PKHD1L1: variants seen among roughly 807,000 people sequenced by gnomAD.
PKHD1L1 encodes fibrocystin-L.
PKHD1L1 carries 434 observed loss-of-function variants against 462.9 expected under a neutral mutation model. The ratio of observed to expected loss-of-function variants is 0.94; its 90% CI spans 0.87 to 1.02. The LOEUF is 1.02. PKHD1L1 is among the 50% of genes least tolerant of loss of function. The pLI is 0.00. For missense variants in PKHD1L1, 5,202 were observed against 5,096.1 expected, an observed-to-expected ratio of 1.02 and a Z score of -0.63; for synonymous variants, 1,781 against 1,750.0, an observed-to-expected ratio of 1.02 and a Z score of -0.44.
Position 109,452,773 on chromosome 8 carries a change from G to GA in PKHD1L1, c.6567dup (p.Ser2190IlefsTer39), listed in dbSNP as rs769716668. On this transcript the variant is annotated frameshift_variant, in exon 43 of 78. Coordinates refer to ENST00000378402, the MANE Select transcript of PKHD1L1 (RefSeq NM_177531.6). LOFTEE classifies it high-confidence loss of function. The stretch of plus-strand genomic sequence containing the variant: ...TGGTCCTCCAATTTCTCATGGGGGG[G>GA]AAAATCTCCCCCAGAAGAAGGATCT... 4.6e-6 allele frequency: 7 copies of GA among 1,535,932 alleles called. No homozygotes were observed. Among genetic ancestry groups the GA allele is most frequent in the Non-Finnish European group, 4.4e-6 (5 of 1,142,314 alleles).
chr8:109,442,320 GGCAT>G, intron 35 of PKHD1L1, 125 bp downstream of exon 35: 2 of 940,954 alleles, frequency 2.1e-6, no homozygotes, highest in Non-Finnish European at 3.0e-6. Context: ...TAAGGTATTT[GGCAT>G]TTTATTGCTG....
At chr8:109,422,674 G>A in intron 23 of PKHD1L1, among the ~76,000 whole-genome samples, 1 of 152,058 alleles carries the variant, frequency 6.6e-6, no homozygotes, top group Admixed American at 6.5e-5. Context: ...AAACCGCTAT[G>A]AACATTCATC....
chr8:109,456,355 C>T lies in PKHD1L1; in HGVS notation c.6968C>T (p.Pro2323Leu), dbSNP rs1312555942. Residue 2323 changes from proline to leucine, a missense_variant, in exon 46 of 78, where the codon CCA becomes CTA. Coordinates refer to ENST00000378402, the MANE Select transcript of PKHD1L1 (RefSeq NM_177531.6). ...TTACAAGAAGCAGTAACATGGAAAC[C>T]AGGAGATAACATTGTAATTGCAAGC... is the stretch of plus-strand genomic sequence containing the variant. The part of the protein sequence containing the change: ...LILQEAVTWK[P>L]GDNIVIASTG... 6.2e-7 allele frequency: 1 copy of T among 1,609,890 alleles called. No individual in the cohort carries two copies.
At chr8:109,454,648 A>G in intron 44 of PKHD1L1, 75 bp from the exon 45 acceptor site, 3 of 1,551,998 alleles carry the variant, frequency 1.9e-6, no homozygotes, top group Non-Finnish European at 2.6e-6. Context: ...GATAGAAAAG[A>G]ACTACTTTTG....
intron 73 of PKHD1L1, 95 bp from the exon 74 acceptor site, chr8:109,522,091 G>A (rs926562605): frequency 1.1e-5 from 14 of 1,217,710 alleles, no homozygotes; most frequent in East Asian, 5.5e-5. Context: ...ATAATGTGAT[G>A]GAGCAATGCA....
In PKHD1L1 at chr8:109,430,043, T is replaced by A. The variant is rs1449622003; in HGVS notation, c.3229+6T>A. ...GGCGATAAGCCCTTCTCAAGGTAAC[T>A]TCCTGATTTTTAACCTATACTGGGT... On this transcript the variant is annotated splice_donor_region_variant and intron_variant, in intron 27 of 77. Transcript: ENST00000378402. 6.3e-7 allele frequency: 1 copy of A among 1,584,110 alleles called. No homozygotes were observed. Among genetic ancestry groups the A allele is most frequent in the African/African-American group, 1.4e-5 (1 of 73,534 alleles).
intron 22 of PKHD1L1, 54 bp from the exon 23 acceptor site, chr8:109,420,464 C>T (rs1814402421): frequency 8.1e-7 from 1 of 1,236,896 alleles, no homozygotes; most frequent in African/African-American, 1.6e-5. Flanking sequence ...TTTTACATGG[C>T]AAAAACCACA....
chr8:109,371,019 T>C (rs138075752), intron 2 of PKHD1L1, among the ~76,000 whole-genome samples: 4,698 of 152,314 alleles, frequency 0.031, 265 homozygotes, highest in African/African-American at 0.11. Context: ...TTTGGGTATA[T>C]ACCCAGTAAT....
chr8:109,383,956 T>G, intron 4 of PKHD1L1, 114 bp from the exon 5 acceptor site: 1 of 761,936 alleles, frequency 1.3e-6, no homozygotes, highest in Non-Finnish European at 2.3e-6. Flanking sequence ...CTTTCCTACA[T>G]GACAGTTACA....
intron 49 of PKHD1L1, 111 bp downstream of exon 49, chr8:109,465,356 C>A: frequency 8.9e-7 from 1 of 1,128,250 alleles, no homozygotes; most frequent in Non-Finnish European, 1.2e-6. Context: ...TACCCAATAG[C>A]AAACTTTACT....
rs1376062837 is a variant in PKHD1L1 at position 109,518,216 on chromosome 8, T to C, written c.11739T>C (p.Phe3913=). The change falls in exon 73 of 78, where the codon TTT becomes TTC. Residue 3913 remains phenylalanine (F), a synonymous_variant. Coordinates refer to ENST00000378402, the MANE Select transcript of PKHD1L1 (RefSeq NM_177531.6). ...CCACTGTCCTTGGTGAAAACTACTT[T>C]GATGGAACCTACCAGATGCTTTATC... ...LDSTVLGENY[F]DGTYQMLYLL... 2 of 1,610,268 alleles carry C rather than the reference T, an allele frequency of 1.2e-6. No homozygotes were observed. Among genetic ancestry groups the C allele is most frequent in the Non-Finnish European group, 8.5e-7 (1 of 1,177,034 alleles).
chr8:109,447,902 G>A (rs983342598), intron 38 of PKHD1L1, among the ~76,000 whole-genome samples: 1 of 151,972 alleles, frequency 6.6e-6, no homozygotes, highest in African/African-American at 2.4e-5. Flanking sequence ...TCAGTAGAAC[G>A]GACAGAAGGG....
In PKHD1L1 at chr8:109,537,207, A is replaced by C. The variant is rs1250165051; in HGVS notation, c.*7117A>C. ...ATTAATAAAAAGCCATTAAAGTCCA[A>C]GTCAGAACAGCAGGTCTAAAATTGT... On this transcript the variant is annotated 3_prime_UTR_variant, in exon 78 of 78. Coordinates refer to ENST00000378402, the MANE Select transcript of PKHD1L1 (RefSeq NM_177531.6). Among the ~76,000 whole-genome samples the C allele has an allele frequency of 1.3e-5, 2 of 152,222 alleles. No individual in the cohort carries two copies. Among genetic ancestry groups the C allele is most frequent in the Non-Finnish European group, 2.9e-5 (2 of 68,044 alleles).
rs202093473 is a variant in PKHD1L1 at position 109,454,727 on chromosome 8, G to A, written c.6749G>A (p.Gly2250Glu). The change falls in exon 45 of 78, where the codon GGA (glycine) becomes GAA (glutamate). Residue 2250 changes from glycine (G) to glutamate (E), a missense_variant. Transcript: ENST00000378402. ...CATTTGTGACATCTTTTGCAGATTG[G>A]AACAGAGACATCCCCATTCCAACAC... ...LITDGGVLQI[G>E]TETSPFQHKA... is the part of the protein sequence containing the mutation. 6.2e-7 allele frequency: 1 copy of A among 1,613,552 alleles called. No individual in the cohort carries two copies. The highest frequency in any genetic ancestry group is 1.3e-5 in the African/African-American group (1 of 74,970).
intron 60 of PKHD1L1, among the ~76,000 whole-genome samples, chr8:109,490,660 T>G (rs1321454164): frequency 6.6e-6 from 1 of 151,616 alleles, no homozygotes; most frequent in African/African-American, 2.4e-5. Flanking sequence ...AAAAATAAAT[T>G]TTAGCACCTT....
rs917431761 is a variant in PKHD1L1 at position 109,483,986 on chromosome 8, A to T, written c.9576+881A>T. Among the ~76,000 whole-genome samples the T allele has an allele frequency of 2.6e-5, 4 of 151,814 alleles. No individual in the cohort carries two copies. In the East Asian group the frequency reaches 7.7e-4, roughly 29 times the overall value. ...ATGCCAAGAAAAATTAGAGAAATGG[A>T]TGGATTTCATCTCCAAGCTCTCAGA... is the stretch of plus-strand genomic sequence containing the variant. On this transcript the variant is annotated intron_variant, in intron 57 of 77. Transcript: ENST00000378402.
chr8:109,440,360 TTTTG>T (rs1428833271), intron 32 of PKHD1L1, among the ~76,000 whole-genome samples: 1 of 152,066 alleles, frequency 6.6e-6, no homozygotes, highest in Non-Finnish European at 1.5e-5. Context: ...AGAGCTGCCT[TTTTG>T]TTTTAGTTTA....
chr8:109,505,599 T>C (rs1279137480), intron 68 of PKHD1L1, among the ~76,000 whole-genome samples: 1 of 152,186 alleles, frequency 6.6e-6, no homozygotes, highest in Non-Finnish European at 1.5e-5. Flanking sequence ...TTATGTTCTG[T>C]ATTTAAATAG....
At chr8:109,429,847 T>G (rs1288489157) in intron 26 of PKHD1L1, 85 bp from the exon 27 acceptor site, 76 of 874,830 alleles carry the variant, frequency 8.7e-5, no homozygotes, top group Non-Finnish European at 7.7e-5. Flanking sequence ...ACCAACAAAA[T>G]TCCATCACTT....
Sources: gnomAD v4.1 joint callset for allele counts (sites outside exome capture counted in the v4.1 genomes callset) on GRCh38, gnomAD v4.1.1 for gene constraint, MANE v1.5 for transcripts, NCBI Gene and HGNC (gene_info 2026-07-23, HGNC 2026-07-21) for gene names.